Variants in BACH2 observed in about 807,000 individuals in gnomAD.
BACH2 encodes transcription regulator protein BACH2.
A neutral mutation model predicts 61.8 loss-of-function variants in BACH2; 5 were observed. That is an observed-to-expected ratio of 0.08 (90% CI 0.04 to 0.17). The LOEUF (loss-of-function observed/expected upper bound fraction) is 0.17, where lower values mean the gene tolerates loss of function less well. Among genes scored for constraint, BACH2 ranks in the 10% least tolerant of loss-of-function variants. The pLI is 1.00. For synonymous variants in BACH2, 446 were observed against 440.1 expected (o/e 1.01, Z -0.17); for missense variants, 824 against 1,091.1 (o/e 0.76, Z 3.45).
intron 4 of BACH2, among the ~76,000 whole-genome samples, chr6:90,205,245 C>G (rs180794261): frequency 5.3e-5 from 8 of 152,308 alleles, no homozygotes; most frequent in Middle Eastern, 3.4e-3. Context: ...AACCATCGAA[C>G]AGGGCTGTCC....
intron 5 of BACH2, among the ~76,000 whole-genome samples, chr6:90,073,818 C>G (rs973095756): frequency 6.6e-6 from 1 of 152,214 alleles, no homozygotes; most frequent in Admixed American, 6.5e-5. Context: ...CCTCTCCATG[C>G]TCCACCCATG....
At chr6:90,031,444 T>C (rs1778977496) in intron 5 of BACH2, among the ~76,000 whole-genome samples, 1 of 152,172 alleles carries the variant, frequency 6.6e-6, no homozygotes, top group Non-Finnish European at 1.5e-5. Flanking sequence ...TGATTGTATA[T>C]CTAGAAAACC....
chr6:90,227,667 T>C (rs1769960881), intron 3 of BACH2, among the ~76,000 whole-genome samples: 1 of 152,190 alleles, frequency 6.6e-6, no homozygotes, highest in Non-Finnish European at 1.5e-5. Context: ...TCAAAAGCTT[T>C]ATCCTCAAGA....
chr6:90,150,766 T>C (rs1379527789), intron 4 of BACH2, among the ~76,000 whole-genome samples: 2 of 152,124 alleles, frequency 1.3e-5, no homozygotes, highest in African/African-American at 4.8e-5. Flanking sequence ...ATGCCTTACT[T>C]AGCACCCCCA....
At chr6:90,152,153 C>A in intron 4 of BACH2, among the ~76,000 whole-genome samples, 1 of 152,224 alleles carries the variant, frequency 6.6e-6, no homozygotes, top group Admixed American at 6.5e-5. Flanking sequence ...CCTCTGCTGT[C>A]CATGACAAAG....
chr6:90,203,797 C>G (rs945566663), intron 4 of BACH2, among the ~76,000 whole-genome samples: 2 of 152,166 alleles, frequency 1.3e-5, no homozygotes, highest in South Asian at 2.1e-4. Context: ...CCCTCTGCTT[C>G]TCTTTTTAGC....
chr6:90,055,032 G>A (rs1780257092), intron 5 of BACH2, among the ~76,000 whole-genome samples: 1 of 152,186 alleles, frequency 6.6e-6, no homozygotes, highest in South Asian at 2.1e-4. Flanking sequence ...AAAAAACAGA[G>A]CAGAAAAACT....
chr6:90,235,324 C>A (rs73755603), intron 3 of BACH2, among the ~76,000 whole-genome samples: 1 of 152,154 alleles, frequency 6.6e-6, no homozygotes, highest in African/African-American at 2.4e-5. Flanking sequence ...TCTTTGCTCT[C>A]GGTTTCCCAG....
intron 4 of BACH2, among the ~76,000 whole-genome samples, chr6:90,205,505 A>T (rs1769113450): frequency 6.6e-6 from 1 of 152,174 alleles, no homozygotes; most frequent in Non-Finnish European, 1.5e-5. Flanking sequence ...GAGTGAAGGG[A>T]AGGGGATGCT....
At chr6:90,204,208 A>G (rs562136446) in intron 4 of BACH2, among the ~76,000 whole-genome samples, 109 of 152,290 alleles carry the variant, frequency 7.2e-4, no homozygotes, top group African/African-American at 2.5e-3. Flanking sequence ...AAAGGAGAGC[A>G]TTACAGTGTG....
intron 5 of BACH2, among the ~76,000 whole-genome samples, chr6:90,016,963 C>A (rs1260605317): frequency 6.6e-6 from 1 of 152,072 alleles, no homozygotes; most frequent in Admixed American, 6.5e-5. Context: ...TTCTTGATCA[C>A]TTGTTTTGAG....
intron 5 of BACH2, among the ~76,000 whole-genome samples, chr6:90,023,543 C>A (rs981222014): frequency 6.6e-6 from 1 of 152,142 alleles, no homozygotes; most frequent in Non-Finnish European, 1.5e-5. Flanking sequence ...ACCAATTAAA[C>A]CTCTTTTCTT....
At chr6:90,277,553 C>T (rs1440970543) in intron 1 of BACH2, among the ~76,000 whole-genome samples, 1 of 152,186 alleles carries the variant, frequency 6.6e-6, no homozygotes, top group Admixed American at 6.5e-5. Context: ...AATCTGGGAA[C>T]TGGTTACAAC....
chr6:90,002,368 C>T (rs1777177944), intron 6 of BACH2, among the ~76,000 whole-genome samples: 1 of 152,198 alleles, frequency 6.6e-6, no homozygotes, highest in African/African-American at 2.4e-5. Flanking sequence ...TCTGGTATTA[C>T]AATTTTTATC....
At chr6:90,042,913 T>C (rs1311957020) in intron 5 of BACH2, among the ~76,000 whole-genome samples, 2 of 152,204 alleles carry the variant, frequency 1.3e-5, no homozygotes, top group Non-Finnish European at 2.9e-5. Flanking sequence ...TGAGTGATGA[T>C]GATGGCTTGG....
At chr6:90,051,579 C>T (rs991995741) in intron 5 of BACH2, among the ~76,000 whole-genome samples, 2 of 152,108 alleles carry the variant, frequency 1.3e-5, no homozygotes, top group Non-Finnish European at 2.9e-5. Context: ...TTTACCAAAC[C>T]CTGTATTATG....
chr6:90,221,676 G>T (rs1013261306), intron 3 of BACH2, among the ~76,000 whole-genome samples: 1 of 152,054 alleles, frequency 6.6e-6, no homozygotes, highest in African/African-American at 2.4e-5. Context: ...GAGGAAATAG[G>T]GCGTGACATC....
chr6:90,110,103 A>T (rs1783103578), intron 4 of BACH2, among the ~76,000 whole-genome samples: 1 of 152,214 alleles, frequency 6.6e-6, no homozygotes, highest in Non-Finnish European at 1.5e-5. Context: ...CTGGATTCTC[A>T]TATCTGGTAC....
At chr6:90,251,583 C>T in intron 3 of BACH2, among the ~76,000 whole-genome samples, 1 of 96,370 alleles carries the variant, frequency 1.0e-5, no homozygotes, top group East Asian at 1.9e-4. Flanking sequence ...AAGAGAGAAC[C>T]CTTTTGCTTT....
Sources: allele counts gnomAD v4.1 joint callset (sites outside exome capture counted in the v4.1 genomes callset), GRCh38; gene constraint gnomAD v4.1.1; transcripts MANE v1.5; gene names NCBI Gene and HGNC (gene_info 2026-07-23, HGNC 2026-07-21).